Variants in SNX13 observed in about 807,000 individuals in gnomAD.
SNX13 encodes sorting nexin 13.
Under a neutral mutation model 133.6 loss-of-function variants are expected in SNX13, and 45 were observed. That is an observed-to-expected ratio of 0.34 (90% CI 0.27 to 0.43). The LOEUF is 0.43. SNX13 is among the 20% of genes least tolerant of loss of function. The pLI is 1.00. For synonymous variants in SNX13, 414 were observed against 373.9 expected, an observed-to-expected ratio of 1.11 and a Z score of -1.24; for missense variants, 1,032 against 1,145.1, an observed-to-expected ratio of 0.90 and a Z score of 1.43.
chr7:17,832,623 A>G (rs1788632757), intron 15 of SNX13: 2 of 302,142 alleles, frequency 6.6e-6, no homozygotes, highest in Admixed American at 6.5e-5. Context: ...ACATTTTTCA[A>G]TAGAGTAAGT....
rs181392981 is a variant in SNX13 at position 17,906,942 on chromosome 7, T to C, written c.13-9496A>G. On this transcript the variant is annotated intron_variant, in intron 1 of 25. Transcript: ENST00000428135. ...AGCCCTAACAAATCATCCTGTGAGT[T>C]CATTTGGTGTATCAGGTGTTCAGAT... Among the ~76,000 whole-genome samples, 79 of 152,304 alleles carry C rather than the reference T, an allele frequency of 5.2e-4. 1 individual carries two copies. The highest frequency in any genetic ancestry group is 4.6e-3 in the Admixed American group (70 of 15,304).
At chr7:17,854,196 G>A (rs1475053801) in intron 9 of SNX13, among the ~76,000 whole-genome samples, 2 of 152,150 alleles carry the variant, frequency 1.3e-5, no homozygotes, top group African/African-American at 2.4e-5. Flanking sequence ...GCATGCAGAT[G>A]TAAAATATAT....
chr7:17,905,994 A>G (rs1798356663), intron 1 of SNX13, among the ~76,000 whole-genome samples: 1 of 151,912 alleles, frequency 6.6e-6, no homozygotes, highest in Admixed American at 6.5e-5. Flanking sequence ...ATATATATAA[A>G]TATTTCATTT....
chr7:17,887,350 T>C (rs1796120954), intron 5 of SNX13, among the ~76,000 whole-genome samples: 1 of 152,124 alleles, frequency 6.6e-6, no homozygotes, highest in South Asian at 2.1e-4. Flanking sequence ...ATTTAGAGGG[T>C]GAATAAAAAT....
At chr7:17,936,237 C>T (rs1251444305) in intron 1 of SNX13, among the ~76,000 whole-genome samples, 1 of 152,156 alleles carries the variant, frequency 6.6e-6, no homozygotes, top group Non-Finnish European at 1.5e-5. Context: ...GGCAAATATC[C>T]TCCAAATTTA....
At chr7:17,880,865 G>A (rs1428799903) in intron 5 of SNX13, 1 of 152,132 alleles carries the variant, frequency 6.6e-6, no homozygotes, top group Non-Finnish European at 1.5e-5. Flanking sequence ...AAATCTTGAT[G>A]AAAGAGCAGT....
chr7:17,931,046 T>A (rs1002808878), intron 1 of SNX13, among the ~76,000 whole-genome samples: 4 of 152,206 alleles, frequency 2.6e-5, no homozygotes, highest in Admixed American at 2.0e-4. Flanking sequence ...ACTGTCATTG[T>A]AGCCCATTTA....
intron 9 of SNX13, among the ~76,000 whole-genome samples, chr7:17,855,034 C>G (rs143723042): frequency 6.6e-6 from 1 of 152,234 alleles, no homozygotes; most frequent in Non-Finnish European, 1.5e-5. Context: ...TGCTCCAGAA[C>G]AGATGAATGA....
intron 20 of SNX13, among the ~76,000 whole-genome samples, chr7:17,809,090 A>G (rs1010613103): frequency 1.3e-5 from 2 of 152,160 alleles, no homozygotes; most frequent in African/African-American, 4.8e-5. Context: ...TGACAGGATC[A>G]AATTCACACA....
At chr7:17,901,884 T>A (rs555577088) in intron 1 of SNX13, among the ~76,000 whole-genome samples, 1 of 152,330 alleles carries the variant, frequency 6.6e-6, no homozygotes, top group Admixed American at 6.5e-5. Flanking sequence ...TTGGCCATCC[T>A]GCTCTGCATC....
At chr7:17,873,461 C>CA in intron 8 of SNX13, 67 bp downstream of exon 8, 1 of 1,004,452 alleles carries the variant, frequency 1.0e-6, no homozygotes. Flanking sequence ...GGTCTTAAGA[C>CA]AAAAATTTTG....
At chr7:17,805,270 C>A (rs1226185562) in intron 20 of SNX13, among the ~76,000 whole-genome samples, 1 of 141,620 alleles carries the variant, frequency 7.1e-6, no homozygotes, top group Non-Finnish European at 1.6e-5. Context: ...CGCGCGCATG[C>A]ATGCACATGT....
chr7:17,909,810 C>A (rs916379497), intron 1 of SNX13, among the ~76,000 whole-genome samples: 2 of 152,162 alleles, frequency 1.3e-5, no homozygotes, highest in African/African-American at 4.8e-5. Context: ...AGCAAACCAC[C>A]ATGGCACACA....
At position 17,887,511 on chromosome 7, in the gene SNX13, G is replaced by A. The variant is rs544826380; in HGVS notation, c.440+2852C>T. On this transcript the variant is annotated intron_variant, in intron 5 of 25. Transcript: ENST00000428135. The stretch of plus-strand genomic sequence containing the variant: ...GTACTAATACTAAATAAGATGTTAT[G>A]ACTACAAAGCACTCTCCCACACATG... Among the ~76,000 whole-genome samples the A allele has an allele frequency of 2.0e-5, 3 of 152,110 alleles. No individual in the cohort carries two copies. The East Asian group carries it at 5.8e-4, about 29-fold the overall frequency.
intron 20 of SNX13, among the ~76,000 whole-genome samples, chr7:17,813,430 A>G (rs1040862149): frequency 2.6e-5 from 4 of 152,200 alleles, no homozygotes; most frequent in Admixed American, 6.5e-5. Flanking sequence ...TCCACACCCT[A>G]GAACTTATTA....
At chr7:17,889,650 T>C (rs1467096047) in intron 5 of SNX13, 1 of 152,070 alleles carries the variant, frequency 6.6e-6, no homozygotes, top group Non-Finnish European at 1.5e-5. Flanking sequence ...AAAAAAAGCC[T>C]TCAAAAATAA....
chr7:17,841,902 C>T (rs1158215029), intron 12 of SNX13, among the ~76,000 whole-genome samples: 3 of 151,852 alleles, frequency 2.0e-5, no homozygotes, highest in Non-Finnish European at 4.4e-5. Context: ...TAGATTTGAG[C>T]AGGCAGAGGA....
intron 20 of SNX13, among the ~76,000 whole-genome samples, chr7:17,814,298 A>T (rs1307487085): frequency 6.6e-6 from 1 of 152,162 alleles, no homozygotes; most frequent in Non-Finnish European, 1.5e-5. Context: ...TCTGAAACAA[A>T]AGACTGCCTG....
chr7:17,931,975 C>T (rs762966183), intron 1 of SNX13, among the ~76,000 whole-genome samples: 1 of 152,174 alleles, frequency 6.6e-6, no homozygotes, highest in Non-Finnish European at 1.5e-5. Context: ...CAGCTGCCCT[C>T]CTTAAAAATG....
Sources: allele counts gnomAD v4.1 joint callset (sites outside exome capture counted in the v4.1 genomes callset), GRCh38; gene constraint gnomAD v4.1.1; transcripts MANE v1.5; gene names NCBI Gene and HGNC (gene_info 2026-07-23, HGNC 2026-07-21).